STT3B: variants seen among roughly 807,000 people sequenced by gnomAD.
STT3B encodes STT3 oligosaccharyltransferase complex catalytic subunit B.
In STT3B, 29 loss-of-function variants were observed where a neutral mutation model predicts 96.8. The ratio of observed to expected loss-of-function variants is 0.30; its 90% CI spans 0.22 to 0.41. The LOEUF (loss-of-function observed/expected upper bound fraction) is 0.41, where lower values mean the gene tolerates loss of function less well. Ranked by LOEUF, STT3B falls within the 10% of genes least tolerant of loss-of-function variation. STT3B has a pLI of 1.00. For missense variants in STT3B, 640 were observed against 1,022.3 expected, an observed-to-expected ratio of 0.63 and a Z score of 5.10; for synonymous variants, 367 against 360.0, an observed-to-expected ratio of 1.02 and a Z score of -0.22.
chr3:31,578,944 G>A (rs1193213682), intron 2 of STT3B, among the ~76,000 whole-genome samples: 1 of 152,068 alleles, frequency 6.6e-6, no homozygotes, highest in Non-Finnish European at 1.5e-5. Flanking sequence ...AGCCAGGAAA[G>A]GAAATGTATA....
Position 31,620,861 on chromosome 3 carries a change from C to T in STT3B, c.1327+1031C>T, listed in dbSNP as rs550301813. Among the ~76,000 whole-genome samples the T allele has an allele frequency of 4.6e-5, 7 of 152,260 alleles. No individual in the cohort carries two copies. The South Asian group carries it at 8.3e-4, about 18-fold the overall frequency. ...ACATGAATCAGGAAAGAAAGAACAGCACCTGTAGGGGTTCAGTTTAAAGGA... is the reference window on the plus strand; with the variant it reads ...ACATGAATCAGGAAAGAAAGAACAGTACCTGTAGGGGTTCAGTTTAAAGGA... On this transcript the variant is annotated intron_variant, in intron 9 of 15. Transcript: ENST00000295770.
At chr3:31,559,146 G>GGGGGGTGTGT (rs949401027) in intron 1 of STT3B, among the ~76,000 whole-genome samples, 13 of 116,530 alleles carry the variant, frequency 1.1e-4, no homozygotes, top group Non-Finnish European at 2.3e-4. Flanking sequence ...TGATTCTTGG[G>GGGGGGTGTGT]GTGTGTGTGT....
rs147293486 is a variant in STT3B, at chr3:31,589,767, A to C, written c.712-7031A>C. The stretch of plus-strand genomic sequence containing the variant: ...TTCCTTAGGATTTTCTACATACAAG[A>C]TCATGTTATCTTCAGAGACAGAGGG... On this transcript the variant is annotated intron_variant, in intron 3 of 15. Transcript: ENST00000295770. Among the ~76,000 whole-genome samples, 17 of 152,098 alleles carry C rather than the reference A, an allele frequency of 1.1e-4. No individual in the cohort carries two copies. The South Asian group carries it at 3.5e-3, about 31-fold the overall frequency.
At position 31,532,962 on chromosome 3, in the gene STT3B, C is replaced by G. The variant is rs746878282; in HGVS notation, c.-37C>G. 8 of 1,527,160 alleles carry G rather than the reference C, an allele frequency of 5.2e-6. No homozygotes were observed. In the South Asian group the frequency reaches 8.6e-5, roughly 16 times the overall value. The allele number at this position is 1,527,160 out of a possible 1,614,324, so 94.6% of individuals were successfully genotyped here. ...CACCCCTCGCACCAGGCGGCGGCGG[C>G]GGAGGAGGAGAGCTAGACCCGCCGC... On this transcript the variant is annotated 5_prime_UTR_variant, in exon 1 of 16. Coordinates refer to ENST00000295770, the MANE Select transcript of STT3B (RefSeq NM_178862.3).
Position 31,633,155 on chromosome 3 carries a change from C to T in STT3B, c.2400+8C>T. On this transcript the variant is annotated splice_region_variant and intron_variant, in intron 15 of 15. Transcript: ENST00000295770. ...AAGTATTTGTCAAAGAAGGTGGGTG[C>T]CAAGTGAAGGCATTAAAGGGTAACT... 1 of 1,611,692 alleles carries T rather than the reference C, an allele frequency of 6.2e-7. No homozygotes were observed. The highest frequency in any genetic ancestry group is 1.7e-4 in the Middle Eastern group (1 of 6,054).
intron 5 of STT3B, among the ~76,000 whole-genome samples, chr3:31,606,141 G>A (rs975420572): frequency 2.6e-5 from 4 of 152,186 alleles, no homozygotes; most frequent in Admixed American, 2.6e-4. Context: ...CTTGGGTACT[G>A]TTAAAAAGCA....
At position 31,633,244 on chromosome 3, in the gene STT3B, A is replaced by ATTT. The variant is rs1699697595; in HGVS notation, c.2400+98_2400+100dup. ...ATTGCAATAAATTTCCATCTGCCAG[A>ATTT]TTTATAAAGACTATGGCTTCTATAT... On this transcript the variant is annotated intron_variant, in intron 15 of 15. Coordinates refer to ENST00000295770, the MANE Select transcript of STT3B (RefSeq NM_178862.3). 3.8e-6 allele frequency: 4 copies of ATTT among 1,052,832 alleles called. No homozygotes were observed. The East Asian group carries it at 1.0e-4, about 27-fold the overall frequency. 65.2% of individuals were successfully genotyped at this position (1,052,832 alleles called of 1,614,324 possible).
At chr3:31,585,099 T>C (rs1698506282) in intron 3 of STT3B, among the ~76,000 whole-genome samples, 1 of 152,160 alleles carries the variant, frequency 6.6e-6, no homozygotes, top group Non-Finnish European at 1.5e-5. Context: ...GTTTTTAAAA[T>C]TTAAAAGATA....
chr3:31,568,658 T>C (rs1453382160), intron 1 of STT3B, among the ~76,000 whole-genome samples: 2 of 152,228 alleles, frequency 1.3e-5, no homozygotes, highest in South Asian at 2.1e-4. Flanking sequence ...TATAGAGATA[T>C]AATTTTTTTT....
At chr3:31,609,863 A>T (rs1019346494) in intron 5 of STT3B, among the ~76,000 whole-genome samples, 1 of 152,154 alleles carries the variant, frequency 6.6e-6, no homozygotes, top group East Asian at 1.9e-4. Flanking sequence ...ACACCCGGCC[A>T]CACTTGCTGT....
intron 3 of STT3B, among the ~76,000 whole-genome samples, chr3:31,589,251 A>C (rs1208622702): frequency 6.6e-6 from 1 of 152,024 alleles, no homozygotes; most frequent in Non-Finnish European, 1.5e-5. Context: ...TCAGTTCATT[A>C]CTGGTATATA....
intron 5 of STT3B, among the ~76,000 whole-genome samples, chr3:31,609,540 A>G (rs12233573): frequency 7.9e-5 from 12 of 152,256 alleles, no homozygotes; most frequent in Non-Finnish European, 7.4e-5. Flanking sequence ...TTGTTTTTTC[A>G]TTTTAGTTAT....
intron 3 of STT3B, among the ~76,000 whole-genome samples, chr3:31,593,923 C>G (rs1698727525): frequency 6.6e-6 from 1 of 152,142 alleles, no homozygotes; most frequent in African/African-American, 2.4e-5. Context: ...GTCCCCTTCC[C>G]CAGCCTATAC....
intron 1 of STT3B, among the ~76,000 whole-genome samples, chr3:31,559,634 G>T (rs1006228265): frequency 6.6e-6 from 1 of 152,032 alleles, no homozygotes; most frequent in Non-Finnish European, 1.5e-5. Flanking sequence ...CTATCCTGGA[G>T]AATGTTTCTT....
chr3:31,533,319 G>C lies in STT3B; in HGVS notation c.314+7G>C. ...TCCACGAGTTCGACCCGTGGTAAGT[G>C]CCTCGCCGCCCCTCCCCCGCCCGTG... On this transcript the variant is annotated splice_region_variant and intron_variant, in intron 1 of 15. Transcript: ENST00000295770. 1 of 1,518,210 alleles carries C rather than the reference G, an allele frequency of 6.6e-7. No homozygotes were observed. The highest frequency in any genetic ancestry group is 8.8e-7 in the Non-Finnish European group (1 of 1,132,278). 94.0% of individuals were successfully genotyped at this position (1,518,210 alleles called of 1,614,324 possible). A position where few individuals can be genotyped will look rare whatever the true frequency, so the allele number is the denominator to read the frequency against.
chr3:31,554,503 A>G (rs190502546), intron 1 of STT3B, among the ~76,000 whole-genome samples: 2 of 152,302 alleles, frequency 1.3e-5, no homozygotes, highest in Non-Finnish European at 2.9e-5. Flanking sequence ...CAAAAACTTG[A>G]AAGATAAGTG....
intron 6 of STT3B, 29 bp downstream of exon 6, chr3:31,615,232 T>C (rs747336565): frequency 1.1e-5 from 17 of 1,516,956 alleles, no homozygotes; most frequent in African/African-American, 2.8e-5. Flanking sequence ...TTCCTTCTTC[T>C]AAAGAATATG....
At chr3:31,631,876 G>A (rs1357548294) in intron 14 of STT3B, among the ~76,000 whole-genome samples, 3 of 151,022 alleles carry the variant, frequency 2.0e-5, no homozygotes, top group Non-Finnish European at 4.4e-5. Flanking sequence ...TTTTCCCCGA[G>A]ACAGGATCTC....
chr3:31,544,632 C>G (rs571000355), intron 1 of STT3B, among the ~76,000 whole-genome samples: 2 of 152,274 alleles, frequency 1.3e-5, no homozygotes, highest in South Asian at 2.1e-4. Flanking sequence ...TTAAAAAAAT[C>G]TATTACAGTG....
Sources: gnomAD v4.1 joint callset for allele counts (sites outside exome capture counted in the v4.1 genomes callset) on GRCh38, gnomAD v4.1.1 for gene constraint, MANE v1.5 for transcripts, NCBI Gene and HGNC (gene_info 2026-07-23, HGNC 2026-07-21) for gene names.